The following PIK3R3 variants were observed in gnomAD, a reference collection of about 807,000 sequenced individuals.
PIK3R3 encodes the protein phosphatidylinositol 3-kinase regulatory subunit gamma.
PIK3R3 carries 64 observed loss-of-function variants against 62.9 expected under a neutral mutation model. The ratio of observed to expected loss-of-function variants is 1.02; its 90% CI spans 0.83 to 1.25. The LOEUF (loss-of-function observed/expected upper bound fraction) is 1.25. PIK3R3 is among the 50% of genes most tolerant of loss of function. The probability of loss-of-function intolerance (pLI) is 0.00; values close to 1 mark genes in which losing one functional copy is unlikely to be tolerated. For missense variants in PIK3R3, 614 were observed against 561.6 expected (o/e 1.09, Z -0.94); for synonymous variants, 165 against 189.0 (o/e 0.87, Z 1.04).
chr1:46,149,421 C>CAAAA, the PIK3R3 span, among the ~76,000 whole-genome samples: 2 of 52,028 alleles, frequency 3.8e-5, no homozygotes, highest in Non-Finnish European at 7.7e-5. Flanking sequence ...GACTCTGTCT[C>CAAAA]AAAAAAAAAA....
At chr1:46,159,664 T>C in the PIK3R3 span, among the ~76,000 whole-genome samples, 1 of 152,002 alleles carries the variant, frequency 6.6e-6, no homozygotes, top group African/African-American at 2.4e-5. Context: ...TGAATTTAGC[T>C]TGTAGATCAC....
the PIK3R3 span, among the ~76,000 whole-genome samples, chr1:46,143,194 C>T: frequency 6.6e-6 from 1 of 152,158 alleles, no homozygotes; most frequent in East Asian, 1.9e-4. Flanking sequence ...CATTCATTTC[C>T]AGGACCTCAC....
At chr1:46,115,622 T>G (rs1465601447) in intron 1 of PIK3R3, among the ~76,000 whole-genome samples, 1 of 152,220 alleles carries the variant, frequency 6.6e-6, no homozygotes, top group Non-Finnish European at 1.5e-5. Flanking sequence ...TGATAGCAGC[T>G]CTTATATAGT....
chr1:46,077,715 G>A (rs1473554350), intron 2 of PIK3R3, 102 bp from the exon 3 acceptor site: 3 of 706,206 alleles, frequency 4.2e-6, no homozygotes, highest in Non-Finnish European at 7.7e-6. Flanking sequence ...AGCTTCGGCA[G>A]TAGGTGTGCC....
rs1647035993 is a variant in PIK3R3 at position 46,043,688 on chromosome 1, G to A, written c.1371C>T (p.Pro457=). 6.2e-7 allele frequency: 1 copy of A among 1,613,988 alleles called. No homozygotes were observed. Among genetic ancestry groups the A allele is most frequent in the Non-Finnish European group, 8.5e-7 (1 of 1,179,956 alleles). The part of the protein sequence containing the change: ...RLAYPVHAQM[P]SLCR ...CACTTCCTCTTTATCTGCAAAGCGA[G>A]GGCATCTGTGCATGAACAGGGTAGG... The change falls in exon 10 of 10, where the codon CCC becomes CCT. Residue 457 remains proline, a synonymous_variant. Transcript: ENST00000262741.
Position 46,087,084 on chromosome 1 carries a change from A to G in PIK3R3, c.107-6334T>C, listed in dbSNP as rs538737861. ...CTGAACAATGAGAATACTTGGACAC[A>G]GGGTGGGGAACATCACACACCAGGG... On this transcript the variant is annotated intron_variant, in intron 1 of 9. Coordinates refer to ENST00000262741, the MANE Select transcript of PIK3R3 (RefSeq NM_003629.4). Among the ~76,000 whole-genome samples, 15 of 152,298 alleles carry G rather than the reference A, an allele frequency of 9.8e-5. No individual in the cohort carries two copies. In the South Asian group the frequency reaches 2.3e-3, roughly 23 times the overall value.
intron 7 of PIK3R3, among the ~76,000 whole-genome samples, chr1:46,048,664 C>T (rs1258193939): frequency 6.6e-6 from 1 of 152,134 alleles, no homozygotes; most frequent in Non-Finnish European, 1.5e-5. Context: ...CCTCTTTAAA[C>T]TGAGCCTCCC....
At chr1:46,120,566 C>T (rs752843701) in intron 1 of PIK3R3, among the ~76,000 whole-genome samples, 1 of 151,728 alleles carries the variant, frequency 6.6e-6, no homozygotes, top group African/African-American at 2.4e-5. Context: ...AGGGAGCCTC[C>T]GTCTCAAAAA....
chr1:46,043,708 G>A lies in PIK3R3; in HGVS notation c.1351C>T (p.Pro451Ser). 1 of 1,614,180 alleles carries A rather than the reference G, an allele frequency of 6.2e-7. No individual in the cohort carries two copies. The highest frequency in any genetic ancestry group is 8.5e-7 in the Non-Finnish European group (1 of 1,180,034). ...NDSLNVRLAY[P>S]VHAQMPSLCR Reference sequence around the variant, plus strand: ...AGCGAGGGCATCTGTGCATGAACAGGGTAGGCAAGCCTGACGTTGAGGGAG... The same window carrying A: ...AGCGAGGGCATCTGTGCATGAACAGAGTAGGCAAGCCTGACGTTGAGGGAG... Residue 451 changes from proline to serine, a missense_variant, in exon 10 of 10, where the codon CCT (proline) becomes TCT (serine). Transcript: ENST00000262741.
At chr1:46,107,226 T>C (rs1653301562) in intron 1 of PIK3R3, among the ~76,000 whole-genome samples, 1 of 152,044 alleles carries the variant, frequency 6.6e-6, no homozygotes, top group Non-Finnish European at 1.5e-5. Context: ...GGCAGGTGCC[T>C]GTAATCCCAG....
intron 1 of PIK3R3, among the ~76,000 whole-genome samples, chr1:46,110,202 C>T (rs1287329436): frequency 1.3e-5 from 2 of 151,582 alleles, no homozygotes; most frequent in African/African-American, 4.9e-5. Flanking sequence ...ACCTCTACCT[C>T]GCAGGTTCAA....
chr1:46,174,391 C>A, the PIK3R3 span, among the ~76,000 whole-genome samples: 3 of 152,112 alleles, frequency 2.0e-5, no homozygotes, highest in African/African-American at 7.2e-5. Flanking sequence ...CTCAACCCCC[C>A]TCAGGGTCCC....
At chr1:46,143,836 A>G in the PIK3R3 span, among the ~76,000 whole-genome samples, 1 of 152,116 alleles carries the variant, frequency 6.6e-6, no homozygotes, top group Admixed American at 6.6e-5. Context: ...TCTTCTAGCT[A>G]CTTTGAAATA....
intron 1 of PIK3R3, among the ~76,000 whole-genome samples, chr1:46,082,890 C>T (rs1354498039): frequency 6.6e-6 from 1 of 151,946 alleles, no homozygotes; most frequent in East Asian, 1.9e-4. Flanking sequence ...ACCAGCCTGG[C>T]CAACATGATT....
At position 46,132,146 on chromosome 1, in the gene PIK3R3, A is replaced by C; in HGVS notation, c.-194T>G. 46 of 1,338,658 alleles carry C rather than the reference A, an allele frequency of 3.4e-5. No homozygotes were observed. The highest frequency in any genetic ancestry group is 1.9e-4 in the East Asian group (6 of 32,222). 82.9% of individuals were successfully genotyped at this position (1,338,658 alleles called of 1,614,324 possible). On this transcript the variant is annotated 5_prime_UTR_variant, in exon 1 of 10. Coordinates refer to ENST00000262741, the MANE Select transcript of PIK3R3 (RefSeq NM_003629.4). ...CCTCTCTCCTACAGAACACAACAAA[A>C]TGCCCCCGAACTTTCAAGCTATGGG...
intron 1 of PIK3R3, among the ~76,000 whole-genome samples, chr1:46,122,216 G>A (rs1654738732): frequency 6.6e-6 from 1 of 152,128 alleles, no homozygotes. Flanking sequence ...TGTGGAAATT[G>A]ATCTTTAATA....
intron 5 of PIK3R3, among the ~76,000 whole-genome samples, chr1:46,062,315 C>T (rs1468059154): frequency 1.3e-5 from 2 of 152,228 alleles, no homozygotes; most frequent in African/African-American, 4.8e-5. Flanking sequence ...GTGGCTTACA[C>T]CTGTGATCTC....
the PIK3R3 span, among the ~76,000 whole-genome samples, chr1:46,141,975 T>C: frequency 6.6e-6 from 1 of 152,214 alleles, no homozygotes; most frequent in Non-Finnish European, 1.5e-5. Flanking sequence ...ACTCCAAACC[T>C]TCACTACTCA....
the PIK3R3 span, among the ~76,000 whole-genome samples, chr1:46,166,696 C>T: frequency 6.6e-6 from 1 of 152,212 alleles, no homozygotes; most frequent in Admixed American, 6.5e-5. Flanking sequence ...CACTTCGCTT[C>T]CTTGCGAGGG....
Sources: allele counts gnomAD v4.1 joint callset (sites outside exome capture counted in the v4.1 genomes callset), GRCh38; gene constraint gnomAD v4.1.1; transcripts MANE v1.5; gene names NCBI Gene and HGNC (gene_info 2026-07-23, HGNC 2026-07-21).